STAT2: variants seen among roughly 807,000 people sequenced by gnomAD.
STAT2 encodes interferon alpha induced transcriptional activator.
STAT2 carries 51 observed loss-of-function variants against 122.3 expected under a neutral mutation model. That is an observed-to-expected ratio of 0.42 (90% CI 0.33 to 0.53). STAT2 has a LOEUF of 0.53. STAT2 is among the 20% of genes least tolerant of loss of function. The probability of loss-of-function intolerance (pLI) is 0.10; values close to 1 mark genes in which losing one functional copy is unlikely to be tolerated. For synonymous variants in STAT2, 351 were observed against 394.9 expected, an observed-to-expected ratio of 0.89 and a Z score of 1.32; for missense variants, 736 against 1,010.3, an observed-to-expected ratio of 0.73 and a Z score of 3.68.
At chr12:56,354,016 A>AAAAAAAAT (rs71081350) in intron 8 of STAT2, among the ~76,000 whole-genome samples, 25 of 16,680 alleles carry the variant, frequency 1.5e-3, no homozygotes, top group African/African-American at 2.6e-3. Context: ...AAAAAAAAAA[A>AAAAAAAAT]ATATATATAT....
chr12:56,356,211 T>C lies in STAT2; in HGVS notation c.206A>G (p.Tyr69Cys). The change falls in exon 3 of 24, where the codon TAT (tyrosine) becomes TGT (cysteine). Residue 69 changes from tyrosine to cysteine, a missense_variant. Transcript: ENST00000314128. ...GTCCTGGCTGCAACGGCCACACTCATAGTTCAGCTGATCCAAGAAGTGGAA... is the reference window on the plus strand; with the variant it reads ...GTCCTGGCTGCAACGGCCACACTCACAGTTCAGCTGATCCAAGAAGTGGAA... Reference protein sequence around the residue: ...LFFHFLDQLNYECGRCSQDPE... With the variant: ...LFFHFLDQLNCECGRCSQDPE... 1.2e-6 allele frequency: 2 copies of C among 1,614,042 alleles called. No homozygotes were observed. The highest frequency in any genetic ancestry group is 1.7e-5 in the Admixed American group (1 of 60,022).
chr12:56,348,300 G>A (rs1391501354), intron 19 of STAT2, among the ~76,000 whole-genome samples: 1 of 151,810 alleles, frequency 6.6e-6, no homozygotes, highest in African/African-American at 2.4e-5. Flanking sequence ...TGTTAGCCAG[G>A]ATGGTCTCGA....
chr12:56,347,788 C>A (rs920239169), intron 19 of STAT2, among the ~76,000 whole-genome samples: 1 of 152,210 alleles, frequency 6.6e-6, no homozygotes, highest in Non-Finnish European at 1.5e-5. Context: ...AGGCGTGAGC[C>A]ATCGTGCCTG....
At chr12:56,351,000 G>C in intron 10 of STAT2, 98 bp downstream of exon 10, 2 of 1,570,068 alleles carry the variant, frequency 1.3e-6, no homozygotes, top group South Asian at 2.2e-5. Flanking sequence ...TGCAGGGAAA[G>C]AGAAGAAAAA....
intron 3 of STAT2, 50 bp from the exon 4 acceptor site, chr12:56,355,853 A>T: frequency 3.8e-6 from 6 of 1,561,462 alleles, no homozygotes; most frequent in Non-Finnish European, 5.3e-6. Flanking sequence ...ACTCTCAATG[A>T]CCTATTGCCC....
chr12:56,352,326 T>C (rs1878621280), intron 8 of STAT2: 1 of 148,524 alleles, frequency 6.7e-6, no homozygotes, highest in Non-Finnish European at 1.5e-5. Context: ...GGGACAACTA[T>C]TCTGGGAAAC....
intron 22 of STAT2, among the ~76,000 whole-genome samples, chr12:56,345,001 C>T (rs1209935228): frequency 7.7e-6 from 1 of 129,036 alleles, no homozygotes; most frequent in Non-Finnish European, 1.5e-5. Context: ...GGGCGAGACT[C>T]TGTCTCAAAA....
chr12:56,351,234 G>A (rs927742294), intron 9 of STAT2, 44 bp from the exon 10 acceptor site: 2 of 1,611,612 alleles, frequency 1.2e-6, no homozygotes, highest in East Asian at 2.2e-5. Flanking sequence ...CTCAGTATCT[G>A]TAAGAATGGC....
chr12:56,355,037 AC>A (rs1384510388), intron 6 of STAT2, 174 bp from the exon 7 acceptor site: 79 of 731,542 alleles, frequency 1.1e-4, no homozygotes, highest in Non-Finnish European at 1.1e-5. Context: ...TGGACCAGAC[AC>A]CCCCTCAAAT....
chr12:56,354,931 G>GACCCC, intron 6 of STAT2, 68 bp from the exon 7 acceptor site: 2 of 1,493,172 alleles, frequency 1.3e-6, no homozygotes, highest in Non-Finnish European at 1.8e-6. Flanking sequence ...GTCTCAGTCA[G>GACCCC]AGTCAGGAAG....
intron 22 of STAT2, 33 bp downstream of exon 22, chr12:56,346,113 T>C (rs1379522170): frequency 3.1e-6 from 5 of 1,613,964 alleles, no homozygotes; most frequent in East Asian, 4.5e-5. Flanking sequence ...CCAAAAAGGA[T>C]TAGGGAGGAT....
At chr12:56,343,707 C>A (rs1337449901) in intron 23 of STAT2, 118 bp downstream of exon 23, 1 of 1,539,032 alleles carries the variant, frequency 6.5e-7, no homozygotes, top group Non-Finnish European at 8.8e-7. Flanking sequence ...AAAGGAATCA[C>A]AGAATGGACC....
intron 8 of STAT2, among the ~76,000 whole-genome samples, chr12:56,353,076 C>T (rs1467923672): frequency 6.6e-6 from 1 of 151,984 alleles, no homozygotes; most frequent in African/African-American, 2.4e-5. Context: ...CTCTGCCTCC[C>T]GAGTTCAAGT....
chr12:56,358,230 G>GCTTTTTTTTTT (rs1879816908), intron 1 of STAT2, among the ~76,000 whole-genome samples: 1 of 149,500 alleles, frequency 6.7e-6, no homozygotes, highest in East Asian at 2.0e-4. Flanking sequence ...TGGCTCTGAA[G>GCTTTTTTTTTT]CTTTTTTTTT....
At chr12:56,349,659 GAA>G in intron 13 of STAT2, 23 bp from the exon 14 acceptor site, 1 of 1,614,152 alleles carries the variant, frequency 6.2e-7, no homozygotes. Flanking sequence ...GGGAAGGAGA[GAA>G]AATGCCAGAG....
At chr12:56,358,249 T>A (rs932508020) in intron 1 of STAT2, among the ~76,000 whole-genome samples, 1 of 150,502 alleles carries the variant, frequency 6.6e-6, no homozygotes, top group Non-Finnish European at 1.5e-5. Context: ...TTTCTTTTTT[T>A]TTTTTTCTTT....
intron 19 of STAT2, 43 bp downstream of exon 19, chr12:56,348,486 C>A (rs145024222): frequency 1.6e-5 from 26 of 1,606,690 alleles, no homozygotes; most frequent in African/African-American, 6.7e-5. Flanking sequence ...CTCTCAAGCC[C>A]GGAAAGCACA....
intron 22 of STAT2, among the ~76,000 whole-genome samples, chr12:56,345,366 T>C (rs1877224487): frequency 6.9e-6 from 1 of 145,940 alleles, no homozygotes. Context: ...TTGAGTGTGA[T>C]GGCGTGTGCC....
chr12:56,352,087 CG>C (rs1431990162), intron 8 of STAT2, among the ~76,000 whole-genome samples: 2 of 151,832 alleles, frequency 1.3e-5, no homozygotes, highest in African/African-American at 4.8e-5. Flanking sequence ...TTAGTAGAGA[CG>C]GGGTTTTGCC....
Sources: gnomAD v4.1 joint callset for allele counts (sites outside exome capture counted in the v4.1 genomes callset) on GRCh38, gnomAD v4.1.1 for gene constraint, MANE v1.5 for transcripts, NCBI Gene and HGNC (gene_info 2026-07-23, HGNC 2026-07-21) for gene names.